Variants in SBF2 observed in about 807,000 individuals in gnomAD.
SBF2 encodes myotubularin-related protein 13.
In SBF2, 112 loss-of-function variants were observed where a neutral mutation model predicts 225.2. The ratio of observed to expected loss-of-function variants is 0.50; its 90% CI spans 0.43 to 0.58. The LOEUF (loss-of-function observed/expected upper bound fraction) is 0.58, where lower values mean the gene tolerates loss of function less well. Among genes scored for constraint, SBF2 ranks in the 20% least tolerant of loss-of-function variants. The pLI, the probability that SBF2 is intolerant of heterozygous loss-of-function variation, is 0.00. For synonymous variants in SBF2, 763 were observed against 773.3 expected (o/e 0.99, Z 0.22); for missense variants, 1,996 against 2,206.2 (o/e 0.90, Z 1.91).
Position 9,780,145 on chromosome 11 carries a change from G to T in SBF2, c.*273C>A. 2.2e-6 allele frequency: 1 copy of T among 453,416 alleles called. No individual in the cohort carries two copies. The highest frequency in any genetic ancestry group is 2.0e-5 in the African/African-American group (1 of 50,478). The allele number at this position is 453,416 out of a possible 1,614,324, so 28.1% of individuals were successfully genotyped here. A position where few individuals can be genotyped will look rare whatever the true frequency, so the allele number is the denominator to read the frequency against. On this transcript the variant is annotated 3_prime_UTR_variant, in exon 40 of 40. Transcript: ENST00000256190. The stretch of plus-strand genomic sequence containing the variant: ...TTTGCCTGGGTGAGGTTCACAGTTG[G>T]CTCAGGAGACATCTTCTGATCATTA...
At chr11:9,994,574 G>GTATATATATATATATATATATATATATA (rs1199765999) in intron 9 of SBF2, among the ~76,000 whole-genome samples, 1 of 109,548 alleles carries the variant, frequency 9.1e-6, no homozygotes, top group East Asian at 3.2e-4. Flanking sequence ...ATCTATATAT[G>GTATATATATATATATATATATATATATA]TACATATATA....
intron 2 of SBF2, among the ~76,000 whole-genome samples, chr11:10,140,777 T>C (rs1362291099): frequency 1.3e-5 from 2 of 151,970 alleles, no homozygotes; most frequent in African/African-American, 4.8e-5. Context: ...ACTTGTGGGG[T>C]CTGTAGTAAC....
chr11:10,300,924 C>T (rs961572883), intron 1 of SBF2, among the ~76,000 whole-genome samples: 3 of 151,672 alleles, frequency 2.0e-5, no homozygotes, highest in East Asian at 3.9e-4. Flanking sequence ...GCTAGGATTA[C>T]AGGCACGAGC....
chr11:9,971,144 AAAGTATATTCATTACTTT>A (rs1867301960), intron 13 of SBF2, among the ~76,000 whole-genome samples: 2 of 152,044 alleles, frequency 1.3e-5, no homozygotes, highest in East Asian at 3.8e-4. Flanking sequence ...TGAATTATTT[AAAGTATATTCATTACTTT>A]GGTTTCTATC....
At chr11:10,225,099 A>C (rs1477964081) in intron 1 of SBF2, among the ~76,000 whole-genome samples, 1 of 152,162 alleles carries the variant, frequency 6.6e-6, no homozygotes, top group Admixed American at 6.6e-5. Context: ...ATTTTTATTA[A>C]AAATAAAGTG....
At chr11:10,286,016 G>C (rs1211223805) in intron 1 of SBF2, among the ~76,000 whole-genome samples, 1 of 151,546 alleles carries the variant, frequency 6.6e-6, no homozygotes, top group Admixed American at 6.6e-5. Flanking sequence ...TCTTTTTTTT[G>C]GAGAAAAAAG....
chr11:10,170,096 G>T (rs1490044948), intron 2 of SBF2, among the ~76,000 whole-genome samples: 2 of 151,894 alleles, frequency 1.3e-5, no homozygotes, highest in Non-Finnish European at 2.9e-5. Flanking sequence ...TCTTCACTTT[G>T]TTGATTGTTT....
chr11:9,988,039 C>A (rs898089060), intron 13 of SBF2, among the ~76,000 whole-genome samples: 1 of 152,172 alleles, frequency 6.6e-6, no homozygotes, highest in African/African-American at 2.4e-5. Flanking sequence ...CCATAGTCAC[C>A]AAAACAGCAT....
At chr11:10,102,510 G>C (rs1952351099) in intron 2 of SBF2, among the ~76,000 whole-genome samples, 1 of 152,208 alleles carries the variant, frequency 6.6e-6, no homozygotes, top group Non-Finnish European at 1.5e-5. Context: ...AAGAAGGCAT[G>C]GGGATATGGT....
At position 9,841,360 on chromosome 11, in the gene SBF2, C is replaced by T. The variant is rs569495111; in HGVS notation, c.3256+1265G>A. 1.2e-4 allele frequency among the ~76,000 whole-genome samples: 18 copies of T among 152,038 alleles called. No individual in the cohort carries two copies. In the South Asian group the frequency reaches 2.1e-3, roughly 18 times the overall value. On this transcript the variant is annotated intron_variant, in intron 25 of 39. Transcript: ENST00000256190. ...TAGAAGAGTCAATAGTGATGGGTAG[C>T]GATAATATTTTTATGGTTTGACACA...
intron 2 of SBF2, among the ~76,000 whole-genome samples, chr11:10,134,738 T>C (rs1172351993): frequency 6.6e-6 from 1 of 152,170 alleles, no homozygotes; most frequent in Non-Finnish European, 1.5e-5. Flanking sequence ...AGGTAAGCTG[T>C]ATGGTCTTGG....
chr11:9,789,642 T>G (rs996541940), intron 34 of SBF2, among the ~76,000 whole-genome samples: 2 of 152,246 alleles, frequency 1.3e-5, no homozygotes, highest in African/African-American at 4.8e-5. Context: ...CTGGAGGAGC[T>G]GGCCCCAGCC....
At chr11:10,062,073 G>A (rs547665994) in intron 2 of SBF2, among the ~76,000 whole-genome samples, 11 of 152,206 alleles carry the variant, frequency 7.2e-5, no homozygotes, top group African/African-American at 2.2e-4. Flanking sequence ...CTTTGACAAC[G>A]CTGACAAAAA....
chr11:9,882,213 G>C (rs1859827005), intron 17 of SBF2, among the ~76,000 whole-genome samples: 1 of 152,126 alleles, frequency 6.6e-6, no homozygotes, highest in Non-Finnish European at 1.5e-5. Context: ...ATGTATCCTA[G>C]GGCTTGCTTG....
intron 16 of SBF2, among the ~76,000 whole-genome samples, chr11:9,912,467 C>T (rs1862718187): frequency 6.6e-6 from 1 of 151,728 alleles, no homozygotes; most frequent in Non-Finnish European, 1.5e-5. Context: ...TGCCTGTAGT[C>T]TCAGCTACTT....
intron 2 of SBF2, among the ~76,000 whole-genome samples, chr11:10,177,540 C>G (rs1293138600): frequency 2.0e-5 from 3 of 149,274 alleles, no homozygotes; most frequent in Non-Finnish European, 4.4e-5. Flanking sequence ...CATTCTTATA[C>G]ACCAACAACA....
chr11:10,051,379 C>T (rs571887947), intron 2 of SBF2, among the ~76,000 whole-genome samples: 1 of 152,058 alleles, frequency 6.6e-6, no homozygotes, highest in African/African-American at 2.4e-5. Flanking sequence ...TTAGTTTACA[C>T]TATAAGAATA....
At chr11:10,203,487 T>C (rs1226606843) in intron 1 of SBF2, among the ~76,000 whole-genome samples, 1 of 152,180 alleles carries the variant, frequency 6.6e-6, no homozygotes, top group African/African-American at 2.4e-5. Flanking sequence ...AGTGACTTAA[T>C]TACATCTCAG....
intron 2 of SBF2, among the ~76,000 whole-genome samples, chr11:10,167,796 T>C (rs1008631783): frequency 1.3e-5 from 2 of 152,192 alleles, no homozygotes; most frequent in African/African-American, 4.8e-5. Flanking sequence ...GGAAGGCGGA[T>C]CACCTGAGGT....
Sources: gnomAD v4.1 joint callset for allele counts (sites outside exome capture counted in the v4.1 genomes callset) on GRCh38, gnomAD v4.1.1 for gene constraint, MANE v1.5 for transcripts, NCBI Gene and HGNC (gene_info 2026-07-23, HGNC 2026-07-21) for gene names.